The following GNAO1 variants were observed in gnomAD, a reference collection of about 807,000 sequenced individuals.
The protein encoded by GNAO1 is guanine nucleotide-binding protein G(o) subunit alpha.
For missense variants in GNAO1, 166 were observed against 478.7 expected, an observed-to-expected ratio of 0.35 and a Z score of 6.10; for synonymous variants, 164 against 180.7, an observed-to-expected ratio of 0.91 and a Z score of 0.74.
intron 3 of GNAO1, among the ~76,000 whole-genome samples, chr16:56,284,177 G>A (rs943909614): frequency 6.6e-6 from 1 of 152,196 alleles, no homozygotes; most frequent in Non-Finnish European, 1.5e-5. Flanking sequence ...GGCAGAGGTG[G>A]GTACAAAGAT....
chr16:56,213,466 G>A, intron 2 of GNAO1: 2 of 396,336 alleles, frequency 5.0e-6, no homozygotes, highest in Non-Finnish European at 8.9e-6. Flanking sequence ...AGCAGGCAAG[G>A]GGCATGAGCG....
At chr16:56,318,202 G>A (rs539359530) in intron 3 of GNAO1, among the ~76,000 whole-genome samples, 161 of 152,326 alleles carry the variant, frequency 1.1e-3, no homozygotes, top group African/African-American at 3.6e-3. Flanking sequence ...GGGGCGGGGG[G>A]CTCTCTCCTG....
chr16:56,265,061 G>A (rs1455632187), intron 2 of GNAO1, among the ~76,000 whole-genome samples: 1 of 152,090 alleles, frequency 6.6e-6, no homozygotes, highest in East Asian at 1.9e-4. Context: ...TCCCATCTAG[G>A]TTTTGTGGTT....
At chr16:56,343,730 C>G in intron 6 of GNAO1, 1 of 1,576,274 alleles carries the variant, frequency 6.3e-7, no homozygotes, top group Non-Finnish European at 8.6e-7. Context: ...ATGGGCCTCT[C>G]GCCTCACCAC....
rs1004538154 is a variant in GNAO1 at position 56,192,160 on chromosome 16, G to A, written c.-76G>A. ...CCCTTGAGCCCAGGCTCTGCTCTCT[G>A]GGGGGGTGGGGGGCGCTCCAAGCCG... On this transcript the variant is annotated 5_prime_UTR_variant, in exon 1 of 9. Coordinates refer to ENST00000262493, the MANE Select transcript of GNAO1 (RefSeq NM_020988.3). The A allele has an allele frequency of 1.0e-4, 84 of 801,810 alleles. 1 individual carries two copies. The African/African-American group carries it at 1.4e-3, about 13-fold the overall frequency. The allele number at this position is 801,810 out of a possible 1,614,324, so 49.7% of individuals were successfully genotyped here. A position where few individuals can be genotyped will look rare whatever the true frequency, so the allele number is the denominator to read the frequency against.
rs1164000322 is a variant in GNAO1 at position 56,326,727 on chromosome 16, A to C, written c.304-1904A>C. 6.6e-6 allele frequency among the ~76,000 whole-genome samples: 1 copy of C among 152,352 alleles called. No homozygotes were observed. Among genetic ancestry groups the C allele is most frequent in the Middle Eastern group, 3.4e-3 (1 of 294 alleles). On this transcript the variant is annotated intron_variant, in intron 3 of 8. Transcript: ENST00000262493. This position sits in a 1 kb window ranked among gnomAD's most constrained non-coding sequence, Gnocchi z 4.8. ...GCACCGACTCAAACTGCAGCCAGCT[A>C]TACACCTGAGGCAGTGAGCTCCATG...
intron 2 of GNAO1, among the ~76,000 whole-genome samples, chr16:56,241,902 C>T (rs1455917062): frequency 6.6e-6 from 1 of 152,252 alleles, no homozygotes; most frequent in African/African-American, 2.4e-5. Context: ...CTGGCAGAAA[C>T]TGGCCTGAGC....
At chr16:56,303,641 T>C (rs2037365356) in intron 3 of GNAO1, among the ~76,000 whole-genome samples, 1 of 152,162 alleles carries the variant, frequency 6.6e-6, no homozygotes, top group Admixed American at 6.5e-5. Flanking sequence ...TGACAAAGCA[T>C]CACAAAGCAT....
intron 2 of GNAO1, among the ~76,000 whole-genome samples, chr16:56,231,158 ACT>A (rs1235214149): frequency 6.6e-6 from 1 of 151,834 alleles, no homozygotes; most frequent in African/African-American, 2.4e-5. Flanking sequence ...TATGTGAAAG[ACT>A]CTGTTGGTCC....
chr16:56,281,586 C>T (rs1687031215), intron 3 of GNAO1, among the ~76,000 whole-genome samples: 1 of 151,894 alleles, frequency 6.6e-6, no homozygotes, highest in African/African-American at 2.4e-5. Flanking sequence ...CCTTCTCAGT[C>T]CCCTTTTCCT....
At chr16:56,223,869 A>G (rs371872341) in intron 2 of GNAO1, among the ~76,000 whole-genome samples, 135 of 152,366 alleles carry the variant, frequency 8.9e-4, no homozygotes, top group African/African-American at 3.1e-3. Context: ...CATCTCTTTC[A>G]TCCCCCACAG....
chr16:56,240,185 C>T (rs2036680732), intron 2 of GNAO1, among the ~76,000 whole-genome samples: 1 of 152,130 alleles, frequency 6.6e-6, no homozygotes, highest in Non-Finnish European at 1.5e-5. Flanking sequence ...CCTCAGCAGC[C>T]TCCAGGGAAG....
intron 2 of GNAO1, 110 bp downstream of exon 2, chr16:56,192,726 GCACACACA>G (rs60037687): frequency 1.2e-5 from 7 of 564,882 alleles, no homozygotes; most frequent in Middle Eastern, 4.7e-4. Context: ...TTTAATTCGT[GCACACACA>G]CACACACACA....
chr16:56,199,750 G>T (rs1403741697), intron 2 of GNAO1, among the ~76,000 whole-genome samples: 3 of 152,180 alleles, frequency 2.0e-5, no homozygotes, highest in Non-Finnish European at 4.4e-5. Flanking sequence ...TTAGAAGCCT[G>T]AAAGGCGGTG....
rs1381361529 is a variant in GNAO1 at position 56,304,579 on chromosome 16, A to G, written c.304-24052A>G. Among the ~76,000 whole-genome samples the G allele has an allele frequency of 2.0e-5, 3 of 152,254 alleles. No individual in the cohort carries two copies. The East Asian group carries it at 5.8e-4, about 29-fold the overall frequency. On this transcript the variant is annotated intron_variant, in intron 3 of 8. Transcript: ENST00000262493. ...CCCATAATTACACAATTAGGCTCAA[A>G]CATCAGTTTACAACTTTTTTTTTAA...
intron 1 of GNAO1, 68 bp from the exon 2 acceptor site, chr16:56,192,506 T>G (rs2036186291): frequency 4.7e-6 from 3 of 632,458 alleles, no homozygotes; most frequent in African/African-American, 2.1e-5. Context: ...CATGCCTTAG[T>G]CCCCCCCTCC....
chr16:56,269,393 C>T (rs549034389), intron 2 of GNAO1, among the ~76,000 whole-genome samples: 5 of 152,274 alleles, frequency 3.3e-5, no homozygotes, highest in Admixed American at 6.5e-5. Flanking sequence ...AGAGGACAGA[C>T]GCGGGACGCC....
At chr16:56,275,013 G>A (rs1170077314) in intron 2 of GNAO1, among the ~76,000 whole-genome samples, 7 of 152,370 alleles carry the variant, frequency 4.6e-5, no homozygotes, top group African/African-American at 1.4e-4. Context: ...AGGAGCCTTG[G>A]TATGGTAGAA....
chr16:56,213,833 C>CA (rs35086490), intron 2 of GNAO1, among the ~76,000 whole-genome samples: 33 of 150,648 alleles, frequency 2.2e-4, no homozygotes, highest in Admixed American at 1.5e-3. Flanking sequence ...TCTGGAGTCA[C>CA]AAAAAAAAAC....
Sources: allele counts gnomAD v4.1 joint callset (sites outside exome capture counted in the v4.1 genomes callset), GRCh38; gene constraint gnomAD v4.1.1; non-coding constraint Gnocchi (gnomAD v3.1); transcripts MANE v1.5; gene names NCBI Gene and HGNC (gene_info 2026-07-23, HGNC 2026-07-21).